Variants in GET1 observed in about 807,000 individuals in gnomAD.
GET1 encodes congenital heart disease 5 protein.
Under a neutral mutation model 22.6 loss-of-function variants are expected in GET1, and 20 were observed. The ratio of observed to expected loss-of-function variants is 0.89; its 90% CI spans 0.62 to 1.29. The LOEUF (loss-of-function observed/expected upper bound fraction) is 1.29, where lower values mean the gene tolerates loss of function less well. Among genes scored for constraint, GET1 ranks in the 50% most tolerant of loss-of-function variants. GET1 has a pLI of 0.00. For synonymous variants in GET1, 92 were observed against 83.8 expected (o/e 1.10, Z -0.53); for missense variants, 209 against 219.9 (o/e 0.95, Z 0.31).
chr21:39,414,552 CT>C (rs1273459074), intron 1 of GET1, among the ~76,000 whole-genome samples: 1 of 152,122 alleles, frequency 6.6e-6, no homozygotes, highest in African/African-American at 2.4e-5. Context: ...ATTTCTAGTC[CT>C]ATATGCTCTT....
chr21:39,415,447 CAT>C (rs1053489527), intron 1 of GET1, among the ~76,000 whole-genome samples: 6 of 152,332 alleles, frequency 3.9e-5, no homozygotes, highest in African/African-American at 1.4e-4. Context: ...ATGAACAACT[CAT>C]GTGCTGTTTC....
downstream of GET1, among the ~76,000 whole-genome samples, chr21:39,407,583 G>A (rs1389770413): frequency 1.3e-5 from 2 of 152,152 alleles, no homozygotes; most frequent in Non-Finnish European, 2.9e-5. Context: ...GGTATGGCAC[G>A]TGCAGTCTGT....
intron 1 of GET1, among the ~76,000 whole-genome samples, chr21:39,385,672 C>T (rs905364843): frequency 1.3e-5 from 2 of 152,198 alleles, no homozygotes; most frequent in African/African-American, 4.8e-5. Flanking sequence ...GGCTGAGGGT[C>T]CATGCGAACG....
chr21:39,402,081 TGCTA>T (rs374153624), downstream of GET1, among the ~76,000 whole-genome samples: 228 of 152,242 alleles, frequency 1.5e-3, 2 homozygotes, highest in African/African-American at 5.0e-3. Flanking sequence ...GTGTCTTTCG[TGCTA>T]GCTTTTATTT....
rs1028158326 is a variant in GET1, at chr21:39,397,836, C to T, written c.*897C>T. ...TTTGCTGTGAGCCACCCGCAACTGA[C>T]AAGTGGCTGTTAACTGAGTCACCAT... On this transcript the variant is annotated 3_prime_UTR_variant, in exon 5 of 5. Transcript: ENST00000649170. 6.6e-6 allele frequency: 1 copy of T among 152,194 alleles called. No individual in the cohort carries two copies. Among genetic ancestry groups the T allele is most frequent in the East Asian group, 1.9e-4 (1 of 5,200 alleles). The allele number at this position is 152,194 out of a possible 1,614,324, so 9.4% of individuals were successfully genotyped here.
chr21:39,408,629 T>C (rs1421871501), downstream of GET1: 1 of 152,442 alleles, frequency 6.6e-6, no homozygotes, highest in Non-Finnish European at 1.5e-5. Context: ...AGGACTCTCC[T>C]TGGAACCCAA....
intron 3 of GET1, among the ~76,000 whole-genome samples, chr21:39,392,608 G>A (rs976208631): frequency 5.9e-5 from 9 of 152,166 alleles, no homozygotes; most frequent in Admixed American, 2.0e-4. Flanking sequence ...GATGACAATC[G>A]AAGGAATGCT....
chr21:39,386,372 A>G (rs1456899131), intron 1 of GET1: 2 of 152,164 alleles, frequency 1.3e-5, no homozygotes, highest in Non-Finnish European at 1.5e-5. Flanking sequence ...CACAGGACCT[A>G]CCCCAGAATC....
At chr21:39,426,451 G>T (rs1452257024) in intron 1 of GET1, among the ~76,000 whole-genome samples, 1 of 152,122 alleles carries the variant, frequency 6.6e-6, no homozygotes, top group Non-Finnish European at 1.5e-5. Flanking sequence ...ATAGATTCAA[G>T]ATCTCTTATT....
chr21:39,414,740 CTCTGTGTGTG>C (rs1345994694), intron 1 of GET1, among the ~76,000 whole-genome samples: 34 of 104,114 alleles, frequency 3.3e-4, no homozygotes, highest in African/African-American at 1.1e-3. Context: ...CTCTCTCTCT[CTCTGTGTGTG>C]TGTGTGTGTG....
intron 1 of GET1, among the ~76,000 whole-genome samples, chr21:39,383,914 T>C (rs1485563657): frequency 1.3e-5 from 2 of 152,210 alleles, no homozygotes; most frequent in African/African-American, 4.8e-5. Flanking sequence ...CTAATTTTTG[T>C]ATTTTTAGTA....
At chr21:39,389,365 T>A (rs2038145554) in intron 1 of GET1, among the ~76,000 whole-genome samples, 1 of 152,136 alleles carries the variant, frequency 6.6e-6, no homozygotes, top group East Asian at 1.9e-4. Flanking sequence ...CACTGTAGCC[T>A]TGAACTCCTG....
At chr21:39,423,066 A>G (rs1360074699) in intron 1 of GET1, 37 of 1,614,058 alleles carry the variant, frequency 2.3e-5, no homozygotes, top group Non-Finnish European at 2.9e-5. Flanking sequence ...TTTTGTCTTC[A>G]GAAAGTTTCT....
chr21:39,385,319 C>A (rs181948137), intron 1 of GET1, among the ~76,000 whole-genome samples: 2 of 152,160 alleles, frequency 1.3e-5, no homozygotes, highest in South Asian at 4.1e-4. Flanking sequence ...CCCCTCCCCC[C>A]GCGTGAGGCC....
chr21:39,390,222 G>A (rs1005992556), intron 1 of GET1, among the ~76,000 whole-genome samples: 5 of 152,072 alleles, frequency 3.3e-5, no homozygotes, highest in African/African-American at 4.8e-5. Context: ...CAGTGGCAGG[G>A]GAGTTCCCTC....
chr21:39,413,831 A>G (rs576793276), intron 1 of GET1: 27 of 152,404 alleles, frequency 1.8e-4, no homozygotes, highest in African/African-American at 6.5e-4. Context: ...GATTACCTGA[A>G]AAATTCAGTT....
chr21:39,393,302 C>G, intron 4 of GET1, 22 bp downstream of exon 4: 8 of 1,579,492 alleles, frequency 5.1e-6, no homozygotes, highest in Non-Finnish European at 7.0e-6. Flanking sequence ...CTGGAAGATG[C>G]AGTGGAAGAG....
rs144255288 is a variant in GET1 at position 39,416,098 on chromosome 21, A to T, written c.*23+5161A>T. Among the ~76,000 whole-genome samples the T allele has an allele frequency of 4.8e-3, 733 of 152,266 alleles. 2 individuals carry two copies. Among genetic ancestry groups the T allele is most frequent in the Middle Eastern group, 0.01 (3 of 294 alleles). ...TCATTCCTTCTTCATTATTGAGTGG[A>T]ATGCTTTTATAAGGAGGATCTTACC... On this transcript the variant is annotated intron_variant, in intron 1 of 1. Coordinates refer to the GET1 transcript ENST00000478273.
At chr21:39,422,939 T>C (rs760852334) in intron 1 of GET1, 20 of 1,587,300 alleles carry the variant, frequency 1.3e-5, no homozygotes, top group Non-Finnish European at 1.7e-5. Flanking sequence ...CTATTAACTT[T>C]GGAATCTTAA....
Sources: gnomAD v4.1 joint callset for allele counts (sites outside exome capture counted in the v4.1 genomes callset) on GRCh38, gnomAD v4.1.1 for gene constraint, MANE v1.5 for transcripts, NCBI Gene and HGNC (gene_info 2026-07-23, HGNC 2026-07-21) for gene names.